IMPG2: variants seen among roughly 807,000 people sequenced by gnomAD.
IMPG2 encodes interphotoreceptor matrix proteoglycan 2, also known as IPM 200.
A neutral mutation model predicts 129.2 loss-of-function variants in IMPG2; 91 were observed. The observed-to-expected ratio is 0.70, with a 90% CI of 0.59 to 0.84. The LOEUF is 0.84. Ranked by LOEUF, IMPG2 falls within the 40% of genes least tolerant of loss-of-function variation. The pLI, the probability that IMPG2 is intolerant of heterozygous loss-of-function variation, is 0.00. For missense variants in IMPG2, 1,430 were observed against 1,461.7 expected (o/e 0.98, Z 0.35); for synonymous variants, 510 against 517.7 (o/e 0.99, Z 0.20).
chr3:101,302,039 G>T (rs1707144343), intron 3 of IMPG2, among the ~76,000 whole-genome samples: 1 of 152,146 alleles, frequency 6.6e-6, no homozygotes, highest in South Asian at 2.1e-4. Flanking sequence ...ATTGACCGAG[G>T]TCATTCCCTA....
chr3:101,242,854 G>A lies in IMPG2; in HGVS notation c.2856C>T (p.Leu952=). The part of the protein sequence containing the change: ...NLTGFQNLEI[L]NFRNGSIVVN... ...CCACAATGCTGCCATTTCTGAAGTT[G>A]AGGATTTCTAAGTTCTGGAACCCCG... Residue 952 remains leucine (L), a synonymous_variant, in exon 14 of 19, where the codon CTC becomes CTT. Transcript: ENST00000193391. 6.2e-7 allele frequency: 1 copy of A among 1,614,098 alleles called. No homozygotes were observed. The highest frequency in any genetic ancestry group is 8.5e-7 in the Non-Finnish European group (1 of 1,179,976).
At chr3:101,257,830 G>T in intron 9 of IMPG2, 57 bp from the exon 10 acceptor site, 1 of 1,589,254 alleles carries the variant, frequency 6.3e-7, no homozygotes, top group Non-Finnish European at 8.6e-7. Flanking sequence ...AAAGAAAGGA[G>T]CATTGAACCC....
chr3:101,254,767 T>G (rs1488647776), intron 10 of IMPG2, among the ~76,000 whole-genome samples: 1 of 152,100 alleles, frequency 6.6e-6, no homozygotes, highest in African/African-American at 2.4e-5. Flanking sequence ...AAATCTCATG[T>G]TGAATTGCGA....
intron 14 of IMPG2, 21 bp downstream of exon 14, chr3:101,242,667 C>T (rs1487611846): frequency 1.3e-6 from 2 of 1,538,722 alleles, no homozygotes; most frequent in South Asian, 2.2e-5. Context: ...TAAGAAACCA[C>T]CATGCTAGGC....
intron 7 of IMPG2, 113 bp downstream of exon 7, chr3:101,273,468 A>T: frequency 1.8e-6 from 2 of 1,126,774 alleles, no homozygotes; most frequent in Non-Finnish European, 1.3e-6. Flanking sequence ...CCACTCCAGG[A>T]ACCAAGTAGA....
Position 101,244,105 on chromosome 3 carries a change from G to A in IMPG2, c.2226C>T (p.Ile742=), listed in dbSNP as rs774308117. ...TAATTTGTTCCATATCCTCCCTTAG[G>A]ATGGCATCTGCCTGATCTGATTTAT... ...STDKSDQADA[I]LREDMEQITE... The change falls in exon 13 of 19, where the codon ATC becomes ATT. Residue 742 remains isoleucine, a synonymous_variant. Transcript: ENST00000193391. The A allele has an allele frequency of 6.2e-7, 1 of 1,614,036 alleles. No homozygotes were observed. Among genetic ancestry groups the A allele is most frequent in the South Asian group, 1.1e-5 (1 of 91,088 alleles).
At chr3:101,292,394 G>A (rs1707028452) in intron 3 of IMPG2, among the ~76,000 whole-genome samples, 1 of 152,134 alleles carries the variant, frequency 6.6e-6, no homozygotes, top group South Asian at 2.1e-4. Flanking sequence ...GTTTCCTAGT[G>A]TATATAAAAG....
intron 2 of IMPG2, among the ~76,000 whole-genome samples, chr3:101,304,936 A>G (rs1207029186): frequency 6.6e-6 from 1 of 152,094 alleles, no homozygotes; most frequent in Non-Finnish European, 1.5e-5. Flanking sequence ...CAAGTAGAAG[A>G]TATCCACCTG....
intron 2 of IMPG2, among the ~76,000 whole-genome samples, chr3:101,308,187 G>A (rs138636824): frequency 1.2e-3 from 185 of 152,330 alleles, no homozygotes; most frequent in African/African-American, 4.3e-3. Context: ...GGTGCATGGT[G>A]CAAGTTGTTG....
chr3:101,285,710 T>A (rs1349236343), intron 4 of IMPG2, among the ~76,000 whole-genome samples: 1 of 152,190 alleles, frequency 6.6e-6, no homozygotes, highest in African/African-American at 2.4e-5. Context: ...TTAGTGCCTT[T>A]GAATTTCAGC....
chr3:101,241,993 C>T (rs1706413509), intron 14 of IMPG2, among the ~76,000 whole-genome samples: 1 of 151,704 alleles, frequency 6.6e-6, no homozygotes, highest in Non-Finnish European at 1.5e-5. Context: ...CACACCATTA[C>T]ACTCCAGCCT....
At chr3:101,250,302 A>G (rs1055014786) in intron 11 of IMPG2, among the ~76,000 whole-genome samples, 1 of 152,216 alleles carries the variant, frequency 6.6e-6, no homozygotes, top group Non-Finnish European at 1.5e-5. Context: ...ATGGAAGACA[A>G]CAAATTAAAG....
At chr3:101,294,554 C>T (rs1034090553) in intron 3 of IMPG2, among the ~76,000 whole-genome samples, 2 of 152,136 alleles carry the variant, frequency 1.3e-5, no homozygotes, top group Non-Finnish European at 2.9e-5. Context: ...AATAAACATA[C>T]ATGTGCATGT....
In IMPG2 at chr3:101,240,412, C is replaced by T. The variant is rs1706394208; in HGVS notation, c.3022+2276G>A. Among the ~76,000 whole-genome samples the T allele has an allele frequency of 1.3e-5, 2 of 152,146 alleles. 1 individual carries two copies. Among genetic ancestry groups the T allele is most frequent in the South Asian group, 4.1e-4 (2 of 4,834 alleles). The stretch of plus-strand genomic sequence containing the variant: ...GGGATTACAAGTGTGAGTCACAGCA[C>T]CAGGCCTGTAATTCTGTTTAAAAAT... On this transcript the variant is annotated intron_variant, in intron 14 of 18. Coordinates refer to ENST00000193391, the MANE Select transcript of IMPG2 (RefSeq NM_016247.4).
chr3:101,251,791 G>T (rs1243668989), intron 11 of IMPG2, among the ~76,000 whole-genome samples: 1 of 151,882 alleles, frequency 6.6e-6, no homozygotes, highest in Non-Finnish European at 1.5e-5. Flanking sequence ...TGGCAGCTCT[G>T]TATATAAAAT....
chr3:101,231,903 A>G (rs543069699), intron 15 of IMPG2, among the ~76,000 whole-genome samples: 1 of 152,292 alleles, frequency 6.6e-6, no homozygotes, highest in Non-Finnish European at 1.5e-5. Flanking sequence ...TCATCTTCTC[A>G]TTGGTTCTAC....
At chr3:101,320,186 T>C (rs1388048984) in intron 1 of IMPG2, 102 bp downstream of exon 1, 2 of 757,348 alleles carry the variant, frequency 2.6e-6, no homozygotes, top group East Asian at 5.4e-5. Flanking sequence ...TAAAGTAGTA[T>C]TTGATTCCAT....
intron 2 of IMPG2, among the ~76,000 whole-genome samples, chr3:101,317,824 C>T (rs1484371782): frequency 6.6e-6 from 1 of 152,010 alleles, no homozygotes; most frequent in African/African-American, 2.4e-5. Flanking sequence ...AAAACAAGAG[C>T]AAAGCAATCA....
At chr3:101,261,375 T>C (rs1385680679) in intron 9 of IMPG2, among the ~76,000 whole-genome samples, 1 of 152,186 alleles carries the variant, frequency 6.6e-6, no homozygotes, top group Non-Finnish European at 1.5e-5. Context: ...AAGCATTTAC[T>C]GGGAGCCTAC....
Sources: allele counts gnomAD v4.1 joint callset (sites outside exome capture counted in the v4.1 genomes callset), GRCh38; gene constraint gnomAD v4.1.1; transcripts MANE v1.5; gene names NCBI Gene and HGNC (gene_info 2026-07-23, HGNC 2026-07-21).